Variants in CRTAC1 observed in about 807,000 individuals in gnomAD.
CRTAC1 encodes the protein acidic secreted protein in cartilage.
CRTAC1 carries 37 observed loss-of-function variants against 67.8 expected under a neutral mutation model. The ratio of observed to expected loss-of-function variants is 0.55; its 90% CI spans 0.42 to 0.72. CRTAC1 has a LOEUF of 0.72. CRTAC1 is among the 30% of genes least tolerant of loss of function. CRTAC1 has a pLI of 0.00. For synonymous variants in CRTAC1, 348 were observed against 371.0 expected (o/e 0.94, Z 0.71); for missense variants, 780 against 931.6 (o/e 0.84, Z 2.12).
chr10:97,994,821 G>C (rs143323687), intron 2 of CRTAC1, among the ~76,000 whole-genome samples: 26 of 152,312 alleles, frequency 1.7e-4, no homozygotes, highest in African/African-American at 5.8e-4. Context: ...GTTCTCCAGA[G>C]GAGGAGTATT....
At chr10:98,016,272 C>T (rs1483980730) in intron 1 of CRTAC1, among the ~76,000 whole-genome samples, 1 of 152,098 alleles carries the variant, frequency 6.6e-6, no homozygotes, top group Non-Finnish European at 1.5e-5. Flanking sequence ...CACTGTGTTC[C>T]CAGAAACCAT....
intron 2 of CRTAC1, among the ~76,000 whole-genome samples, chr10:97,973,107 T>C (rs1032112628): frequency 6.6e-6 from 1 of 152,224 alleles, no homozygotes; most frequent in Admixed American, 6.5e-5. Context: ...ATTGTGTGTG[T>C]ATATTTCTTT....
In CRTAC1 at chr10:97,905,791, C is replaced by T. The variant is rs1325879879; in HGVS notation, c.851-977G>A. Among the ~76,000 whole-genome samples the T allele has an allele frequency of 2.0e-5, 3 of 152,330 alleles. No individual in the cohort carries two copies. In the East Asian group the frequency reaches 5.8e-4, roughly 29 times the overall value. ...ACTACAGCCACGACAGAGAAGCCCACAGCATGCCTGGTGAGACCTGGAAAG... is the reference window on the plus strand; with the variant it reads ...ACTACAGCCACGACAGAGAAGCCCATAGCATGCCTGGTGAGACCTGGAAAG... On this transcript the variant is annotated intron_variant, in intron 6 of 14. Coordinates refer to ENST00000370597, the MANE Select transcript of CRTAC1 (RefSeq NM_018058.7).
rs924467147 is a variant in CRTAC1 at position 97,975,317 on chromosome 10, C to T, written c.224+35821G>A. 6.6e-6 allele frequency among the ~76,000 whole-genome samples: 1 copy of T among 151,848 alleles called. No individual in the cohort carries two copies. The highest frequency in any genetic ancestry group is 2.4e-5 in the African/African-American group (1 of 41,342). ...CACGGAGCACGGGTGCTGCGGGAGG[C>T]GCCAGGGCCGGTTCCTGACCCGCCT... On this transcript the variant is annotated intron_variant, in intron 2 of 14. Transcript: ENST00000370597. This position sits in a 1 kb window ranked among gnomAD's most constrained non-coding sequence, Gnocchi z 4.8.
At chr10:97,989,302 G>T (rs368782423) in intron 2 of CRTAC1, among the ~76,000 whole-genome samples, 25 of 152,166 alleles carry the variant, frequency 1.6e-4, no homozygotes, top group African/African-American at 6.0e-4. Context: ...AGAGTCATAT[G>T]TAAACAACTG....
intron 11 of CRTAC1, among the ~76,000 whole-genome samples, chr10:97,885,789 C>T (rs564959159): frequency 2.0e-5 from 3 of 152,266 alleles, no homozygotes; most frequent in East Asian, 1.9e-4. Flanking sequence ...TGTGGGGACA[C>T]GGGGTCCTGC....
At chr10:97,876,980 G>GGGTA (rs1341951656) in intron 14 of CRTAC1, among the ~76,000 whole-genome samples, 1 of 141,384 alleles carries the variant, frequency 7.1e-6, no homozygotes, top group Non-Finnish European at 1.5e-5. Flanking sequence ...TTTGGTAAGG[G>GGGTA]GGTAGGTAAT....
At chr10:97,931,902 C>T (rs941308529) in intron 3 of CRTAC1, among the ~76,000 whole-genome samples, 3 of 152,166 alleles carry the variant, frequency 2.0e-5, no homozygotes, top group African/African-American at 4.8e-5. Context: ...AGGGAGGTGT[C>T]AGCACCTGTC....
At chr10:97,949,807 G>T (rs1429599559) in intron 2 of CRTAC1, among the ~76,000 whole-genome samples, 1 of 152,234 alleles carries the variant, frequency 6.6e-6, no homozygotes, top group Non-Finnish European at 1.5e-5. Context: ...ACAAAGTGAG[G>T]ATGCTGAGAT....
rs903333973 is a variant in CRTAC1, at chr10:98,030,613, G to C, written c.-141C>G. ...CCTCCCGCCCCGACGCCGCGCGCTCGCTTTATACAACTCCACTCGAGCGCG... is the reference window on the plus strand; with the variant it reads ...CCTCCCGCCCCGACGCCGCGCGCTCCCTTTATACAACTCCACTCGAGCGCG... On this transcript the variant is annotated 5_prime_UTR_variant, in exon 1 of 15. Coordinates refer to ENST00000370597, the MANE Select transcript of CRTAC1 (RefSeq NM_018058.7). This position sits in a 1 kb window ranked among gnomAD's most constrained non-coding sequence, Gnocchi z 4.2. 4.4e-6 allele frequency: 2 copies of C among 449,590 alleles called. No individual in the cohort carries two copies. Among genetic ancestry groups the C allele is most frequent in the African/African-American group, 4.1e-5 (2 of 48,848 alleles). The allele number at this position is 449,590 out of a possible 1,614,324, so 27.9% of individuals were successfully genotyped here.
Position 97,904,722 on chromosome 10 carries a change from C to T in CRTAC1, c.943G>A (p.Gly315Ser). The T allele has an allele frequency of 6.2e-7, 1 of 1,603,338 alleles. No homozygotes were observed. Among genetic ancestry groups the T allele is most frequent in the East Asian group, 2.3e-5 (1 of 44,244 alleles). ...ATTTGCAGATAGAGGCGGTGGGGGCCATTCCAGTTGCCATAGACGATGTCC... is the reference window on the plus strand; with the variant it reads ...ATTTGCAGATAGAGGCGGTGGGGGCTATTCCAGTTGCCATAGACGATGTCC... ...KVDIVYGNWN[G>S]PHRLYLQMST... The change falls in exon 7 of 15, where the codon GGC (glycine) becomes AGC (serine). Residue 315 changes from glycine to serine, a missense_variant. Gly to Ser is a moderately conservative substitution (Grantham distance 56). Coordinates refer to ENST00000370597, the MANE Select transcript of CRTAC1 (RefSeq NM_018058.7).
intron 2 of CRTAC1, among the ~76,000 whole-genome samples, chr10:97,979,846 G>A (rs951193658): frequency 1.2e-4 from 18 of 152,212 alleles, no homozygotes; most frequent in African/African-American, 4.1e-4. Context: ...AAGCACTGCA[G>A]TATTGTCAAA....
chr10:98,009,689 C>A (rs746940364), intron 2 of CRTAC1, among the ~76,000 whole-genome samples: 1 of 152,134 alleles, frequency 6.6e-6, no homozygotes, highest in Non-Finnish European at 1.5e-5. Context: ...TAATGTTACC[C>A]GCCAGTTACT....
At chr10:97,961,589 A>G (rs1295636182) in intron 2 of CRTAC1, among the ~76,000 whole-genome samples, 1 of 152,238 alleles carries the variant, frequency 6.6e-6, no homozygotes, top group Non-Finnish European at 1.5e-5. Context: ...ACCGAGCAAG[A>G]CACAGGATCT....
At chr10:97,976,093 C>T (rs999368073) in intron 2 of CRTAC1, among the ~76,000 whole-genome samples, 1 of 152,174 alleles carries the variant, frequency 6.6e-6, no homozygotes, top group African/African-American at 2.4e-5. Context: ...CCATCTAGAG[C>T]TCGGAAAGGC....
At chr10:97,917,740 A>ATAG (rs1284637198) in intron 4 of CRTAC1, 84 bp from the exon 5 acceptor site, 2 of 1,154,344 alleles carry the variant, frequency 1.7e-6, no homozygotes, top group African/African-American at 3.1e-5. Context: ...AGGTAGGACC[A>ATAG]TAGCTCTTTC....
intron 11 of CRTAC1, among the ~76,000 whole-genome samples, chr10:97,887,227 G>GTTT (rs71007369): frequency 1.3e-4 from 17 of 127,932 alleles, no homozygotes; most frequent in African/African-American, 4.9e-4. Context: ...CGGCACTTAG[G>GTTT]TTTTTTTTTT....
intron 5 of CRTAC1, among the ~76,000 whole-genome samples, chr10:97,910,817 A>T (rs1232114738): frequency 6.6e-6 from 1 of 152,132 alleles, no homozygotes; most frequent in Non-Finnish European, 1.5e-5. Context: ...TGCCACTCTT[A>T]TTGCGCTCAT....
At chr10:97,913,973 C>T (rs1286045759) in intron 5 of CRTAC1, among the ~76,000 whole-genome samples, 1 of 152,256 alleles carries the variant, frequency 6.6e-6, no homozygotes, top group African/African-American at 2.4e-5. Flanking sequence ...TCCCAGCCAA[C>T]AGCAAAACTC....
Sources: allele counts gnomAD v4.1 joint callset (sites outside exome capture counted in the v4.1 genomes callset), GRCh38; gene constraint gnomAD v4.1.1; non-coding constraint Gnocchi (gnomAD v3.1); transcripts MANE v1.5; gene names NCBI Gene and HGNC (gene_info 2026-07-23, HGNC 2026-07-21).